SUPT3H: variants seen among roughly 807,000 people sequenced by gnomAD.
The protein encoded by SUPT3H is SPT3 homolog, SAGA and STAGA complex component.
In SUPT3H, 44 loss-of-function variants were observed where a neutral mutation model predicts 44.3. The ratio of observed to expected loss-of-function variants is 0.99; its 90% CI spans 0.78 to 1.28. SUPT3H has a LOEUF of 1.28. Ranked by LOEUF, SUPT3H falls within the 50% of genes most tolerant of loss-of-function variation. The pLI, the probability that SUPT3H is intolerant of heterozygous loss-of-function variation, is 0.00. For synonymous variants in SUPT3H, 124 were observed against 125.6 expected, an observed-to-expected ratio of 0.99 and a Z score of 0.09; for missense variants, 380 against 387.1, an observed-to-expected ratio of 0.98 and a Z score of 0.15.
intron 10 of SUPT3H, among the ~76,000 whole-genome samples, chr6:44,881,197 T>A (rs548137337): frequency 3.3e-5 from 5 of 152,198 alleles, no homozygotes; most frequent in Admixed American, 3.3e-4. Context: ...TGGAGGAATA[T>A]TTACCAAGCA....
At chr6:44,844,175 A>C (rs968954947) in intron 10 of SUPT3H, among the ~76,000 whole-genome samples, 2 of 152,292 alleles carry the variant, frequency 1.3e-5, no homozygotes, top group African/African-American at 4.8e-5. Context: ...ATGATGCTGG[A>C]ACAATTGGAC....
At chr6:44,878,427 G>A (rs2153433533) in intron 10 of SUPT3H, among the ~76,000 whole-genome samples, 1 of 151,874 alleles carries the variant, frequency 6.6e-6, no homozygotes, top group South Asian at 2.1e-4. Context: ...TTTTTTTGGA[G>A]ATATTTGGGC....
intron 10 of SUPT3H, among the ~76,000 whole-genome samples, chr6:44,907,349 T>G (rs2153451334): frequency 6.6e-6 from 1 of 152,320 alleles, no homozygotes; most frequent in Admixed American, 6.5e-5. Flanking sequence ...TGGATTTCAT[T>G]TTTTATGTAA....
At chr6:45,249,078 C>A (rs75874534) in intron 2 of SUPT3H, among the ~76,000 whole-genome samples, 1 of 152,058 alleles carries the variant, frequency 6.6e-6, no homozygotes, top group Non-Finnish European at 1.5e-5. Flanking sequence ...CACGTGATAT[C>A]GTTTCTAAAC....
chr6:45,114,827 G>T (rs1800604941), intron 2 of SUPT3H, among the ~76,000 whole-genome samples: 1 of 152,076 alleles, frequency 6.6e-6, no homozygotes. Context: ...TAATCTAAAA[G>T]ATTACGTAGT....
intron 2 of SUPT3H, among the ~76,000 whole-genome samples, chr6:45,243,559 A>G (rs1770792441): frequency 6.6e-6 from 1 of 152,202 alleles, no homozygotes; most frequent in South Asian, 2.1e-4. Context: ...ATTGTAAAAG[A>G]AGAGGCATAA....
intron 6 of SUPT3H, among the ~76,000 whole-genome samples, chr6:44,979,957 A>C (rs545191331): frequency 6.6e-6 from 1 of 152,296 alleles, no homozygotes; most frequent in Admixed American, 6.5e-5. Context: ...TTATCAATCC[A>C]GGGGGCTCAT....
At chr6:45,268,671 T>C (rs1448513113) in intron 2 of SUPT3H, among the ~76,000 whole-genome samples, 1 of 151,374 alleles carries the variant, frequency 6.6e-6, no homozygotes, top group Admixed American at 6.6e-5. Flanking sequence ...TCAACAAAAC[T>C]AAATGTTAGA....
intron 2 of SUPT3H, among the ~76,000 whole-genome samples, chr6:45,224,691 T>G (rs1231338541): frequency 6.6e-6 from 1 of 151,676 alleles, no homozygotes; most frequent in Non-Finnish European, 1.5e-5. Flanking sequence ...GGCAGGAGAA[T>G]TGCTTGAACC....
chr6:45,363,380 A>G (rs1263421855), intron 2 of SUPT3H, among the ~76,000 whole-genome samples: 1 of 152,214 alleles, frequency 6.6e-6, no homozygotes, highest in Non-Finnish European at 1.5e-5. Context: ...GCTTTAAAAT[A>G]CTTCATATTT....
intron 2 of SUPT3H, among the ~76,000 whole-genome samples, chr6:45,172,415 C>G (rs1810965130): frequency 6.6e-6 from 1 of 151,970 alleles, no homozygotes; most frequent in South Asian, 2.1e-4. Flanking sequence ...TTACATTATC[C>G]TCTATTTATC....
At chr6:44,955,944 C>A (rs1775077907) in intron 7 of SUPT3H, among the ~76,000 whole-genome samples, 1 of 150,888 alleles carries the variant, frequency 6.6e-6, no homozygotes. Flanking sequence ...TATGGTGAAA[C>A]CCCGTCTCTA....
At position 44,947,616 on chromosome 6, in the gene SUPT3H, G is replaced by A. The variant is rs572099948; in HGVS notation, c.801+5694C>T. Among the ~76,000 whole-genome samples the A allele has an allele frequency of 3.0e-4, 45 of 151,846 alleles. No homozygotes were observed. In the South Asian group the frequency reaches 6.0e-3, roughly 20 times the overall value. On this transcript the variant is annotated intron_variant, in intron 9 of 10. Transcript: ENST00000371459. ...GATTCTAAAATTTACATAGAAATGCGAAGAACACAGCATGTCCATATTAAG... is the reference window on the plus strand; with the variant it reads ...GATTCTAAAATTTACATAGAAATGCAAAGAACACAGCATGTCCATATTAAG...
At chr6:44,944,947 G>T (rs1562102883) in intron 9 of SUPT3H, among the ~76,000 whole-genome samples, 1 of 151,840 alleles carries the variant, frequency 6.6e-6, no homozygotes, top group African/African-American at 2.4e-5. Flanking sequence ...CACAGATGTT[G>T]TAAGTTTTGC....
intron 3 of SUPT3H, among the ~76,000 whole-genome samples, chr6:45,025,899 AAT>A (rs1471161434): frequency 1.8e-3 from 265 of 150,156 alleles, no homozygotes; most frequent in African/African-American, 6.0e-3. Context: ...AAAAAAAAAA[AAT>A]GTACAACAGA....
chr6:45,106,951 G>A (rs1799374309), intron 2 of SUPT3H, among the ~76,000 whole-genome samples: 2 of 152,166 alleles, frequency 1.3e-5, no homozygotes, highest in Admixed American at 1.3e-4. Flanking sequence ...CAATGTAAGA[G>A]CCACATAGAA....
rs753834941 is a variant in SUPT3H, at chr6:44,954,568, C to T, written c.620G>A (p.Ser207Asn). The T allele has an allele frequency of 1.1e-5, 17 of 1,613,966 alleles. No homozygotes were observed. The African/African-American group carries it at 1.9e-4, about 18-fold the overall frequency. Reference protein sequence around the residue: ...ASKFRDWLDCSSMEIKPNVVA... With the variant: ...ASKFRDWLDCNSMEIKPNVVA... ...AACATTGGGTTTTATCTCCATACTG[C>T]TGCAGTCCAACCAGTCTCGAAATTT... Residue 207 changes from serine (S) to asparagine (N), a missense_variant, in exon 8 of 11, where the codon AGC (serine) becomes AAC (asparagine). Ser to Asn is a conservative substitution (Grantham distance 46). Coordinates refer to ENST00000371459, the MANE Select transcript of SUPT3H (RefSeq NM_003599.4).
intron 3 of SUPT3H, among the ~76,000 whole-genome samples, chr6:45,086,808 G>A (rs1055858147): frequency 2.6e-5 from 4 of 151,722 alleles, no homozygotes; most frequent in African/African-American, 9.7e-5. Context: ...TATGTTGAAC[G>A]TAAATCTATT....
chr6:45,024,391 T>A (rs1356478181), intron 3 of SUPT3H, among the ~76,000 whole-genome samples: 1 of 152,196 alleles, frequency 6.6e-6, no homozygotes, highest in African/African-American at 2.4e-5. Flanking sequence ...TTTCTTTTAA[T>A]CTTCTCAGGG....
Sources: allele counts gnomAD v4.1 joint callset (sites outside exome capture counted in the v4.1 genomes callset), GRCh38; gene constraint gnomAD v4.1.1; transcripts MANE v1.5; gene names NCBI Gene and HGNC (gene_info 2026-07-23, HGNC 2026-07-21).